STIM2: variants seen among roughly 807,000 people sequenced by gnomAD.
STIM2 encodes the protein stromal interaction molecule 2.
In STIM2, 31 loss-of-function variants were observed where a neutral mutation model predicts 85.8. The ratio of observed to expected loss-of-function variants is 0.36; its 90% CI spans 0.27 to 0.49. The LOEUF is 0.49. Among genes scored for constraint, STIM2 ranks in the 20% least tolerant of loss-of-function variants. STIM2 has a pLI of 0.98. For synonymous variants in STIM2, 356 were observed against 331.1 expected (o/e 1.08, Z -0.82); for missense variants, 841 against 927.6 (o/e 0.91, Z 1.21).
intron 3 of STIM2, among the ~76,000 whole-genome samples, chr4:26,970,206 TATA>T: frequency 1.1e-4 from 1 of 9,032 alleles, no homozygotes; most frequent in African/African-American, 2.4e-4. Flanking sequence ...TGTGTATATA[TATA>T]TATATATATA....
chr4:26,991,435 G>A (rs1344755699), intron 3 of STIM2, among the ~76,000 whole-genome samples: 1 of 152,046 alleles, frequency 6.6e-6, no homozygotes, highest in Non-Finnish European at 1.5e-5. Context: ...AAGCGAAGAG[G>A]GGAATGAAGA....
At chr4:26,909,747 A>G (rs1286144895) in intron 1 of STIM2, among the ~76,000 whole-genome samples, 2 of 152,226 alleles carry the variant, frequency 1.3e-5, no homozygotes, top group African/African-American at 4.8e-5. Context: ...TGCGTACATC[A>G]TAATGTTGTG....
rs865932451 is a variant in STIM2, at chr4:26,861,254, G to T, written c.36G>T (p.Ala12=). 2.7e-6 allele frequency: 4 copies of T among 1,482,864 alleles called. No individual in the cohort carries two copies. Among genetic ancestry groups the T allele is most frequent in the African/African-American group, 2.9e-5 (2 of 68,948 alleles). The allele number at this position is 1,482,864 out of a possible 1,614,324, so 91.9% of individuals were successfully genotyped here. Residue 12 remains alanine (A), a synonymous_variant, in exon 1 of 12, where the codon GCG becomes GCT. Coordinates refer to ENST00000467087, the MANE Select transcript of STIM2 (RefSeq NM_020860.4). ...TCGGGCTGCTGGTAGCCGGAGCGGC[G>T]GACGGATGCGAGCTTGTGCCCCGGC...
chr4:26,927,544 G>C (rs1377573586), intron 2 of STIM2, among the ~76,000 whole-genome samples: 43 of 62,314 alleles, frequency 6.9e-4, no homozygotes, highest in East Asian at 3.3e-3. Context: ...GTCGGGGGAG[G>C]GGGGAGGGAT....
chr4:26,910,773 C>T (rs971296752), intron 1 of STIM2, among the ~76,000 whole-genome samples: 1 of 152,076 alleles, frequency 6.6e-6, no homozygotes, highest in Non-Finnish European at 1.5e-5. Flanking sequence ...CTGGTTCCCA[C>T]CTATAGAGAG....
chr4:26,885,085 T>C (rs1723165307), intron 1 of STIM2, among the ~76,000 whole-genome samples: 1 of 152,168 alleles, frequency 6.6e-6, no homozygotes, highest in South Asian at 2.1e-4. Context: ...GGTACAATAT[T>C]AGGGTTAGTA....
chr4:26,946,935 T>A (rs1560216085), intron 2 of STIM2, among the ~76,000 whole-genome samples: 1 of 152,198 alleles, frequency 6.6e-6, no homozygotes, highest in Non-Finnish European at 1.5e-5. Flanking sequence ...AGAGTTTTAT[T>A]TGACTATATT....
intron 1 of STIM2, among the ~76,000 whole-genome samples, chr4:26,864,659 T>C (rs551576169): frequency 6.6e-6 from 1 of 152,262 alleles, no homozygotes; most frequent in Non-Finnish European, 1.5e-5. Flanking sequence ...TTAACTGTAA[T>C]ACCATTTCAC....
intron 2 of STIM2, among the ~76,000 whole-genome samples, chr4:26,943,133 A>C (rs920382204): frequency 6.6e-6 from 1 of 152,000 alleles, no homozygotes; most frequent in Non-Finnish European, 1.5e-5. Flanking sequence ...CGTTGCTGGG[A>C]TTCATTAATT....
chr4:27,020,914 T>G, intron 11 of STIM2: 1 of 1,236,630 alleles, frequency 8.1e-7, no homozygotes, highest in Non-Finnish European at 1.1e-6. Context: ...TCAGCTCTGT[T>G]CCCTTCTCAC....
At chr4:27,011,144 G>A (rs1377274238) in intron 10 of STIM2, among the ~76,000 whole-genome samples, 1 of 152,086 alleles carries the variant, frequency 6.6e-6, no homozygotes, top group Non-Finnish European at 1.5e-5. Flanking sequence ...TGTGACTTAT[G>A]CTAAAGCCTG....
chr4:26,919,459 T>C (rs1403864062), intron 1 of STIM2, 45 bp from the exon 2 acceptor site: 1 of 1,609,768 alleles, frequency 6.2e-7, no homozygotes, highest in Non-Finnish European at 8.5e-7. Flanking sequence ...CTATAGCCTT[T>C]GTTTTGGTAT....
intron 1 of STIM2, among the ~76,000 whole-genome samples, chr4:26,874,531 G>A (rs906801508): frequency 1.3e-5 from 2 of 152,072 alleles, no homozygotes; most frequent in Admixed American, 1.3e-4. Context: ...AAACCAAGCA[G>A]TTATTGTTAA....
chr4:26,985,726 T>C (rs542979411), intron 3 of STIM2, among the ~76,000 whole-genome samples: 1 of 152,296 alleles, frequency 6.6e-6, no homozygotes, highest in Admixed American at 6.5e-5. Context: ...TCTCAGGATA[T>C]CAGAAGTTGA....
rs1016169567 is a variant in STIM2, at chr4:27,025,214, C to G, written c.*2218C>G. 6.6e-6 allele frequency: 1 copy of G among 152,042 alleles called. No individual in the cohort carries two copies. The highest frequency in any genetic ancestry group is 1.5e-5 in the Non-Finnish European group (1 of 67,982). The allele number at this position is 152,042 out of a possible 1,614,324, so 9.4% of individuals were successfully genotyped here. A position where few individuals can be genotyped will look rare whatever the true frequency, so the allele number is the denominator to read the frequency against. On this transcript the variant is annotated 3_prime_UTR_variant, in exon 12 of 12. Coordinates refer to ENST00000467087, the MANE Select transcript of STIM2 (RefSeq NM_020860.4). ...AATACAGTATACACATTTGTAAATTCAACAGGAAATTATTGAGTTTTGGAA... is the reference window on the plus strand; with the variant it reads ...AATACAGTATACACATTTGTAAATTGAACAGGAAATTATTGAGTTTTGGAA...
intron 10 of STIM2, among the ~76,000 whole-genome samples, chr4:27,016,164 C>G (rs553368925): frequency 6.6e-6 from 1 of 152,172 alleles, no homozygotes; most frequent in South Asian, 2.1e-4. Context: ...GATTCTTCAT[C>G]AACTCTATGT....
At chr4:26,987,674 T>G (rs566944396) in intron 3 of STIM2, among the ~76,000 whole-genome samples, 1 of 152,340 alleles carries the variant, frequency 6.6e-6, no homozygotes, top group East Asian at 1.9e-4. Flanking sequence ...ACCTCCATGA[T>G]GAAGAACTGA....
intron 3 of STIM2, among the ~76,000 whole-genome samples, chr4:26,985,169 C>T (rs527503771): frequency 1.3e-5 from 2 of 152,234 alleles, no homozygotes; most frequent in African/African-American, 4.8e-5. Flanking sequence ...TCAGAAGTGA[C>T]CCCAGGAAGT....
intron 1 of STIM2, among the ~76,000 whole-genome samples, chr4:26,908,384 C>T (rs1490177024): frequency 3.3e-5 from 5 of 152,178 alleles, no homozygotes; most frequent in Non-Finnish European, 5.9e-5. Flanking sequence ...ATTGCTTTTC[C>T]TATGAGAATC....
Sources: allele counts gnomAD v4.1 joint callset (sites outside exome capture counted in the v4.1 genomes callset), GRCh38; gene constraint gnomAD v4.1.1; transcripts MANE v1.5; gene names NCBI Gene and HGNC (gene_info 2026-07-23, HGNC 2026-07-21).